UMOD: variants seen among roughly 807,000 people sequenced by gnomAD.
UMOD encodes Tamm-Horsfall urinary glycoprotein.
Under a neutral mutation model 66.0 loss-of-function variants are expected in UMOD, and 64 were observed. That is an observed-to-expected ratio of 0.97 (90% confidence interval 0.79 to 1.19). The LOEUF is 1.19. Ranked by LOEUF, UMOD falls within the 50% of genes most tolerant of loss-of-function variation. UMOD has a pLI of 0.00. For synonymous variants in UMOD, 398 were observed against 352.7 expected, an observed-to-expected ratio of 1.13 and a Z score of -1.44; for missense variants, 764 against 850.9, an observed-to-expected ratio of 0.90 and a Z score of 1.27.
At chr16:20,344,210 G>C in intron 5 of UMOD, 38 bp from the exon 6 acceptor site, 1 of 1,569,886 alleles carries the variant, frequency 6.4e-7, no homozygotes, top group Non-Finnish European at 8.7e-7. Context: ...GGGTGGGGAT[G>C]AGAGAAAGGG....
intron 6 of UMOD, among the ~76,000 whole-genome samples, chr16:20,342,932 C>T (rs998216555): frequency 1.3e-5 from 2 of 152,046 alleles, no homozygotes; most frequent in African/African-American, 4.8e-5. Flanking sequence ...GAGTTTGAGA[C>T]CAGCCTGGCC....
intron 5 of UMOD, among the ~76,000 whole-genome samples, chr16:20,345,574 C>T (rs1243407561): frequency 1.5e-5 from 2 of 135,166 alleles, no homozygotes; most frequent in Non-Finnish European, 1.5e-5. Context: ...TCTTTCCTTC[C>T]TTCTCTTTCT....
chr16:20,343,400 C>T (rs182043143), intron 6 of UMOD, among the ~76,000 whole-genome samples: 3 of 152,284 alleles, frequency 2.0e-5, no homozygotes, highest in Admixed American at 1.3e-4. Context: ...TAATCAAATT[C>T]CTTTCATTCA....
At chr16:20,342,671 TG>T (rs1283740792) in intron 6 of UMOD, among the ~76,000 whole-genome samples, 1 of 152,198 alleles carries the variant, frequency 6.6e-6, no homozygotes, top group Non-Finnish European at 1.5e-5. Context: ...TTTACAGCTT[TG>T]GGTAAGTCAC....
rs576613430 is a variant in UMOD at position 20,352,682 on chromosome 16, G to C, written c.-103+7C>G. On this transcript the variant is annotated splice_region_variant and intron_variant, in intron 1 of 10. Coordinates refer to ENST00000396138, the MANE Select transcript of UMOD (RefSeq NM_003361.4). ...GGCTAGGAGAAGACAGCTACAGATA[G>C]CCTTACCTGAAGCCAGAAAGGTAGA... The C allele has an allele frequency of 3.2e-6, 4 of 1,231,610 alleles. No homozygotes were observed. In the South Asian group the frequency reaches 1.2e-4, roughly 38 times the overall value. 76.3% of individuals were successfully genotyped at this position (1,231,610 alleles called of 1,614,324 possible).
intron 9 of UMOD, 53 bp downstream of exon 9, chr16:20,336,593 T>G: frequency 1.9e-6 from 3 of 1,562,124 alleles, no homozygotes; most frequent in Non-Finnish European, 2.6e-6. Context: ...TCCCTCTTCC[T>G]CTCCAGAAAT....
At chr16:20,350,497 T>G (rs1417651161) in intron 2 of UMOD, among the ~76,000 whole-genome samples, 153 bp downstream of exon 2, 1 of 152,068 alleles carries the variant, frequency 6.6e-6, no homozygotes, top group African/African-American at 2.4e-5. Flanking sequence ...GCATATTGAG[T>G]CTAAGAAATG....
chr16:20,354,903 C>A (rs11862974), upstream of UMOD, among the ~76,000 whole-genome samples: 15,101 of 152,072 alleles, frequency 0.099, 1,723 homozygotes, highest in African/African-American at 0.28. Flanking sequence ...CTTTTTGGGG[C>A]TTTTACACTT....
At chr16:20,336,853 C>A (rs1191837530) in intron 8 of UMOD, 126 bp from the exon 9 acceptor site, 3 of 809,736 alleles carry the variant, frequency 3.7e-6, no homozygotes, top group Non-Finnish European at 6.2e-6. Context: ...GTTAGGAGAC[C>A]TGTATACCGG....
At chr16:20,348,371 C>T (rs1361920387) in intron 3 of UMOD, 41 bp from the exon 4 acceptor site, 6 of 1,613,694 alleles carry the variant, frequency 3.7e-6, no homozygotes. Flanking sequence ...AATAAGGACG[C>T]ACCCCCGTCC....
chr16:20,346,405 G>T (rs1262225595), intron 4 of UMOD, 71 bp from the exon 5 acceptor site: 1 of 1,529,664 alleles, frequency 6.5e-7, no homozygotes, highest in Non-Finnish European at 9.0e-7. Flanking sequence ...CCAGGGGCCA[G>T]GTCCAGCTGG....
At chr16:20,353,512 G>A (rs904354047), upstream of UMOD, among the ~76,000 whole-genome samples, 2 of 152,320 alleles carry the variant, frequency 1.3e-5, no homozygotes, top group East Asian at 1.9e-4. Context: ...AACCAAAGGA[G>A]ATGATGCAAG....
rs1444019379 is a variant in UMOD at position 20,349,127 on chromosome 16, G to T, written c.174C>A (p.Gly58=). 6.2e-7 allele frequency: 1 copy of T among 1,614,058 alleles called. No individual in the cohort carries two copies. The highest frequency in any genetic ancestry group is 1.7e-5 in the Admixed American group (1 of 60,026). The change falls in exon 3 of 11, where the codon GGC becomes GGA. Residue 58 remains glycine, a synonymous_variant. Transcript: ENST00000396138. ...CCAGGTCCACGCAGGTCAGGCCATC[G>T]CCGGTGAAGCCCTCCTGACAGGTGC... ...TTCTCQEGFT[G]DGLTCVDLDE... is the part of the protein sequence containing the mutation.
intron 10 of UMOD, 38 bp from the exon 11 acceptor site, chr16:20,333,413 G>C (rs199562069): frequency 6.3e-7 from 1 of 1,586,328 alleles, no homozygotes; most frequent in South Asian, 1.1e-5. Context: ...TGCTAGTACT[G>C]CTGTACTTTT....
chr16:20,349,906 G>T (rs1182992478), intron 2 of UMOD: 3 of 1,506,638 alleles, frequency 2.0e-6, no homozygotes, highest in East Asian at 4.9e-5. Context: ...AAAAAAAGAA[G>T]CTGTTGTTTA....
chr16:20,349,776 T>C (rs1458327928), intron 2 of UMOD: 1 of 1,368,228 alleles, frequency 7.3e-7, no homozygotes, highest in South Asian at 1.3e-5. Flanking sequence ...TCTGCTTCCC[T>C]GGCTGGTGAA....
intron 5 of UMOD, among the ~76,000 whole-genome samples, chr16:20,345,114 A>G (rs1400605533): frequency 6.6e-6 from 1 of 152,144 alleles, no homozygotes; most frequent in African/African-American, 2.4e-5. Context: ...CCTGGGTTCA[A>G]GTGATTCTCC....
chr16:20,354,088 A>G (rs1215096097), upstream of UMOD, among the ~76,000 whole-genome samples: 1 of 152,194 alleles, frequency 6.6e-6, no homozygotes, highest in East Asian at 1.9e-4. Flanking sequence ...ACATGAACTC[A>G]TATTTTTTAT....
intron 7 of UMOD, among the ~76,000 whole-genome samples, chr16:20,337,930 A>G (rs1276490593): frequency 6.6e-6 from 1 of 152,188 alleles, no homozygotes; most frequent in Non-Finnish European, 1.5e-5. Context: ...AATTGCACCC[A>G]AACACAGTTA....
Sources: allele counts gnomAD v4.1 joint callset (sites outside exome capture counted in the v4.1 genomes callset), GRCh38; gene constraint gnomAD v4.1.1; transcripts MANE v1.5; gene names NCBI Gene and HGNC (gene_info 2026-07-23, HGNC 2026-07-21).